The following EYS variants were observed in gnomAD, a reference collection of about 807,000 sequenced individuals.
The protein encoded by EYS is protein eyes shut homolog.
EYS carries 250 observed loss-of-function variants against 282.1 expected under a neutral mutation model. The ratio of observed to expected loss-of-function variants is 0.89; its 90% CI spans 0.80 to 0.98. The LOEUF is 0.98. Ranked by LOEUF, EYS falls within the 50% of genes least tolerant of loss-of-function variation. The pLI is 0.00. For missense variants in EYS, 4,016 were observed against 3,709.0 expected (o/e 1.08, Z -2.15); for synonymous variants, 1,355 against 1,282.9 (o/e 1.06, Z -1.20).
In EYS at chr6:64,383,884, A is replaced by T. The variant is rs562563544; in HGVS notation, c.6078+4806T>A. ...GTCTTTGAAGAGCTGAAAAAGGTTG[A>T]CACGCATCCTTTTACAGAATATCAT... is the stretch of plus-strand genomic sequence containing the variant. On this transcript the variant is annotated intron_variant, in intron 29 of 42. Transcript: ENST00000503581. Among the ~76,000 whole-genome samples, 3 of 152,284 alleles carry T rather than the reference A, an allele frequency of 2.0e-5. No individual in the cohort carries two copies. In the East Asian group the frequency reaches 5.8e-4, roughly 29 times the overall value.
intron 13 of EYS, among the ~76,000 whole-genome samples, chr6:65,055,961 C>T (rs938716232): frequency 6.6e-6 from 1 of 151,994 alleles, no homozygotes; most frequent in Non-Finnish European, 1.5e-5. Context: ...TATCTGCTGT[C>T]CAAATTTAAG....
intron 2 of EYS, among the ~76,000 whole-genome samples, chr6:65,499,337 A>T (rs938787780): frequency 6.6e-6 from 1 of 152,062 alleles, no homozygotes; most frequent in Non-Finnish European, 1.5e-5. Flanking sequence ...GTTGGCATAT[A>T]ATAGGCATTC....
intron 31 of EYS, among the ~76,000 whole-genome samples, chr6:64,229,204 G>A (rs1766342095): frequency 6.6e-6 from 1 of 152,162 alleles, no homozygotes. Context: ...GAACCTGGGA[G>A]GTGGAGGTTG....
At chr6:64,107,797 G>A (rs1379729196) in intron 31 of EYS, among the ~76,000 whole-genome samples, 1 of 152,040 alleles carries the variant, frequency 6.6e-6, no homozygotes, top group African/African-American at 2.4e-5. Context: ...GTAATGTAGT[G>A]GTAAGGTGTA....
At chr6:65,545,087 G>A (rs1188268920) in intron 2 of EYS, among the ~76,000 whole-genome samples, 1 of 152,070 alleles carries the variant, frequency 6.6e-6, no homozygotes, top group Admixed American at 6.5e-5. Flanking sequence ...AATTGGGAAA[G>A]AGACTTTTCA....
intron 12 of EYS, among the ~76,000 whole-genome samples, chr6:65,191,322 G>A (rs1765636308): frequency 6.6e-6 from 1 of 151,802 alleles, no homozygotes; most frequent in Admixed American, 6.6e-5. Flanking sequence ...TAGTGAATAT[G>A]TTAAATATCA....
chr6:64,787,026 C>A (rs1298807702), intron 22 of EYS, among the ~76,000 whole-genome samples: 3 of 152,288 alleles, frequency 2.0e-5, no homozygotes, highest in African/African-American at 7.2e-5. Context: ...CAATAGCATG[C>A]AATCCAATTG....
chr6:65,100,541 G>A (rs1443829727), intron 12 of EYS, among the ~76,000 whole-genome samples: 3 of 150,440 alleles, frequency 2.0e-5, no homozygotes, highest in African/African-American at 7.3e-5. Flanking sequence ...ATTGCTAAAG[G>A]TAACAAAAAA....
chr6:64,887,120 G>A (rs1205360120), intron 18 of EYS, among the ~76,000 whole-genome samples: 1 of 151,812 alleles, frequency 6.6e-6, no homozygotes, highest in Admixed American at 6.6e-5. Flanking sequence ...ATGAGGTCAT[G>A]TCCTTTGTAG....
chr6:64,527,288 G>T (rs1405285886), intron 26 of EYS, among the ~76,000 whole-genome samples: 1 of 151,732 alleles, frequency 6.6e-6, no homozygotes, highest in African/African-American at 2.4e-5. Flanking sequence ...ACCAAAACAG[G>T]AATAGAAAAA....
In EYS at chr6:64,758,437, G is replaced by T. The variant is rs532151070; in HGVS notation, c.3443+54941C>A. Among the ~76,000 whole-genome samples the T allele has an allele frequency of 3.2e-3, 483 of 151,890 alleles. 3 individuals carry two copies. Among genetic ancestry groups the T allele is most frequent in the Middle Eastern group, 6.8e-3 (2 of 294 alleles). On this transcript the variant is annotated intron_variant, in intron 22 of 42. Coordinates refer to ENST00000503581, the MANE Select transcript of EYS (RefSeq NM_001142800.2). ...GGATAGCCTGGAACTTGGGTGTTTGGTTTTTTTTGATTAGAGACATGACTA... is the reference window on the plus strand; with the variant it reads ...GGATAGCCTGGAACTTGGGTGTTTGTTTTTTTTTGATTAGAGACATGACTA...
At chr6:64,908,557 G>A (rs1032338906) in intron 16 of EYS, among the ~76,000 whole-genome samples, 71 of 152,060 alleles carry the variant, frequency 4.7e-4, no homozygotes, top group Middle Eastern at 3.4e-3. Context: ...ATGAGGTCAT[G>A]CAGATGATTG....
At position 64,364,966 on chromosome 6, in the gene EYS, A is replaced by G. The variant is rs578234685; in HGVS notation, c.6078+23724T>C. On this transcript the variant is annotated intron_variant, in intron 29 of 42. Transcript: ENST00000503581. ...TTTTAATGGAATTTTTATTGTTCTT[A>G]TAAGTTTTTGTTTTTTTTACTCTTC... is the stretch of plus-strand genomic sequence containing the variant. Among the ~76,000 whole-genome samples, 767 of 152,100 alleles carry G rather than the reference A, an allele frequency of 5.0e-3. 3 individuals are homozygous for G. Among genetic ancestry groups the G allele is most frequent in the Middle Eastern group, 0.014 (4 of 294 alleles).
At chr6:65,690,580 G>A (rs569730273) in intron 1 of EYS, among the ~76,000 whole-genome samples, 1 of 150,126 alleles carries the variant, frequency 6.7e-6, no homozygotes, top group East Asian at 2.3e-4. Flanking sequence ...GTCCAACCTG[G>A]CATTGTCTTA....
intron 13 of EYS, among the ~76,000 whole-genome samples, chr6:65,024,207 A>G (rs1772330593): frequency 6.6e-6 from 1 of 152,218 alleles, no homozygotes; most frequent in Non-Finnish European, 1.5e-5. Context: ...TCATATGTCT[A>G]GGGAGCTTTT....
intron 33 of EYS, among the ~76,000 whole-genome samples, chr6:64,056,302 A>G (rs1303906157): frequency 1.3e-5 from 2 of 152,176 alleles, no homozygotes; most frequent in African/African-American, 4.8e-5. Flanking sequence ...CAGGAATTAC[A>G]ATCCATTATA....
At chr6:65,154,316 G>A (rs986655318) in intron 12 of EYS, among the ~76,000 whole-genome samples, 10 of 151,360 alleles carry the variant, frequency 6.6e-5, no homozygotes, top group Non-Finnish European at 1.2e-4. Context: ...AAAGAAAGGA[G>A]CAAAGAAAAG....
intron 26 of EYS, among the ~76,000 whole-genome samples, chr6:64,516,390 C>T (rs1777560474): frequency 2.0e-5 from 3 of 151,690 alleles, no homozygotes; most frequent in African/African-American, 7.3e-5. Flanking sequence ...CTACAAAAAA[C>T]AGCTATGACA....
At chr6:64,993,882 C>CGT (rs1249764116) in intron 14 of EYS, among the ~76,000 whole-genome samples, 30 of 146,920 alleles carry the variant, frequency 2.0e-4, no homozygotes, top group Admixed American at 4.8e-4. Flanking sequence ...CTGTAGTATA[C>CGT]GTGTGTGTGT....
Sources: gnomAD v4.1 joint callset for allele counts (sites outside exome capture counted in the v4.1 genomes callset) on GRCh38, gnomAD v4.1.1 for gene constraint, MANE v1.5 for transcripts, NCBI Gene and HGNC (gene_info 2026-07-23, HGNC 2026-07-21) for gene names.